The following MGST1 variants were observed in gnomAD, a reference collection of about 807,000 sequenced individuals.
MGST1 encodes the protein glutathione S-transferase 12.
In MGST1, 5 loss-of-function variants were observed where a neutral mutation model predicts 8.9. The observed-to-expected ratio is 0.56, with a 90% CI of 0.29 to 1.19. MGST1 has a LOEUF of 1.19. MGST1 is among the 50% of genes most tolerant of loss of function. The pLI, the probability that MGST1 is intolerant of heterozygous loss-of-function variation, is 0.08. For missense variants in MGST1, 182 were observed against 187.4 expected (o/e 0.97, Z 0.17); for synonymous variants, 54 against 67.8 (o/e 0.80, Z 1.00).
chr12:16,392,559 A>C (rs1429436239), intron 1 of MGST1, among the ~76,000 whole-genome samples: 1 of 152,220 alleles, frequency 6.6e-6, no homozygotes, highest in Non-Finnish European at 1.5e-5. Context: ...TGAATGCCTG[A>C]CACAATAATA....
At chr12:16,536,116 T>TGTGTGG (rs1941755826) in intron 4 of MGST1, among the ~76,000 whole-genome samples, 1 of 144,842 alleles carries the variant, frequency 6.9e-6, no homozygotes, top group African/African-American at 2.5e-5. Flanking sequence ...TGTGTGTGTG[T>TGTGTGG]GTCAGGTGAG....
At chr12:16,540,531 T>C (rs573153115) in intron 4 of MGST1, among the ~76,000 whole-genome samples, 2 of 152,330 alleles carry the variant, frequency 1.3e-5, no homozygotes, top group South Asian at 2.1e-4. Flanking sequence ...TTTGGAAGTT[T>C]GCGAATTATT....
chr12:16,578,813 G>A (rs562100339), intron 4 of MGST1, among the ~76,000 whole-genome samples: 18 of 139,076 alleles, frequency 1.3e-4, no homozygotes, highest in African/African-American at 4.7e-4. Context: ...GCGAGATTCT[G>A]TCTCAAACAA....
Position 16,560,392 on chromosome 12 carries a change from A to G in MGST1, n.483-29136A>G. 1 of 1,608,426 alleles carries G rather than the reference A, an allele frequency of 6.2e-7. No homozygotes were observed. Among genetic ancestry groups the G allele is most frequent in the Non-Finnish European group, 8.5e-7 (1 of 1,177,822 alleles). ...CAGAGAGGTTAACCATTTCTTAGAGACCAAAAAGAGACCTGCTTACCTCTG... is the reference window on the plus strand; with the variant it reads ...CAGAGAGGTTAACCATTTCTTAGAGGCCAAAAAGAGACCTGCTTACCTCTG... On this transcript the variant is annotated intron_variant and non_coding_transcript_variant, in intron 4 of 4. Coordinates refer to the MGST1 transcript ENST00000538857. The surrounding 1 kb of genome is among the most constrained non-coding windows in gnomAD (Gnocchi z 5.0).
At chr12:16,379,476 C>G (rs1048000468), downstream of MGST1, among the ~76,000 whole-genome samples, 1 of 152,154 alleles carries the variant, frequency 6.6e-6, no homozygotes, top group African/African-American at 2.4e-5. Flanking sequence ...ATTGAACCAG[C>G]CTTGCATCCC....
At chr12:16,558,040 C>A (rs1942258457) in intron 4 of MGST1, among the ~76,000 whole-genome samples, 1 of 151,974 alleles carries the variant, frequency 6.6e-6, no homozygotes, top group South Asian at 2.1e-4. Context: ...GTCCATAAAG[C>A]TGAACTCAGA....
intron 1 of MGST1, among the ~76,000 whole-genome samples, chr12:16,425,760 C>A (rs1940880079): frequency 6.6e-6 from 1 of 152,214 alleles, no homozygotes; most frequent in African/African-American, 2.4e-5. Context: ...TACTGCCCCA[C>A]TGGGCATTTC....
rs1942989620 is a variant in MGST1 at position 16,576,137 on chromosome 12, G to A, written n.483-13391G>A. Among the ~76,000 whole-genome samples the A allele has an allele frequency of 6.6e-6, 1 of 152,064 alleles. No homozygotes were observed. The highest frequency in any genetic ancestry group is 1.5e-5 in the Non-Finnish European group (1 of 67,996). On this transcript the variant is annotated intron_variant and non_coding_transcript_variant, in intron 4 of 4. Transcript: ENST00000538857. This position sits in a 1 kb window ranked among gnomAD's most constrained non-coding sequence, Gnocchi z 4.1. ...CTCCCAGCTGAACATCTTTCCACCA[G>A]CCTGCCCTGCCCTGCTGTCCGCCTT... is the stretch of plus-strand genomic sequence containing the variant.
intron 4 of MGST1, among the ~76,000 whole-genome samples, chr12:16,507,675 G>A (rs1382899969): frequency 6.6e-6 from 1 of 152,106 alleles, no homozygotes; most frequent in Non-Finnish European, 1.5e-5. Context: ...TGAAGGGAGG[G>A]CAAGCACATC....
In MGST1 at chr12:16,362,019, CAG is replaced by C. The variant is rs1219845377; in HGVS notation, c.222-1771_222-1770del. 6.6e-6 allele frequency among the ~76,000 whole-genome samples: 1 copy of C among 152,098 alleles called. No individual in the cohort carries two copies. Among genetic ancestry groups the C allele is most frequent in the African/African-American group, 2.4e-5 (1 of 41,426 alleles). On this transcript the variant is annotated intron_variant, in intron 3 of 3. Coordinates refer to ENST00000396210, the MANE Select transcript of MGST1 (RefSeq NM_020300.5). This position sits in a 1 kb window ranked among gnomAD's most constrained non-coding sequence, Gnocchi z 4.4. Reference sequence around the variant, plus strand: ...AGGCGTAGAAGTGGACATTGTTTTCCAGAGAGTCTCCTTTTTATAGTTTCTTC... The same window carrying C: ...AGGCGTAGAAGTGGACATTGTTTTCCAGAGTCTCCTTTTTATAGTTTCTTC...
intron 1 of MGST1, chr12:16,399,982 A>T: frequency 7.1e-7 from 1 of 1,408,490 alleles, no homozygotes; most frequent in South Asian, 1.2e-5. Flanking sequence ...GGGCTGAAGG[A>T]GGCAGGTACT....
At chr12:16,481,698 G>A (rs773834011) in intron 4 of MGST1, among the ~76,000 whole-genome samples, 5 of 151,878 alleles carry the variant, frequency 3.3e-5, no homozygotes, top group Non-Finnish European at 7.4e-5. Flanking sequence ...ACAAAATACA[G>A]CACAAAGAGA....
chr12:16,523,515 C>T (rs1227264661), intron 4 of MGST1, among the ~76,000 whole-genome samples: 1 of 152,072 alleles, frequency 6.6e-6, no homozygotes, highest in African/African-American at 2.4e-5. Context: ...GATGTACATA[C>T]TCTCACAGCC....
chr12:16,369,351 T>A (rs115217999), downstream of MGST1, among the ~76,000 whole-genome samples: 1,224 of 152,300 alleles, frequency 8.0e-3, 19 homozygotes, highest in African/African-American at 0.028. This position sits in a 1 kb window ranked among gnomAD's most constrained non-coding sequence, Gnocchi z 4.8. Context: ...GTTGGGCTGA[T>A]CTTGACTGGG....
intron 4 of MGST1, among the ~76,000 whole-genome samples, chr12:16,506,798 A>G (rs1045842416): frequency 1.3e-5 from 2 of 152,228 alleles, no homozygotes; most frequent in Non-Finnish European, 2.9e-5. Context: ...TGGTATAGAG[A>G]ACACAATTTC....
chr12:16,349,272 A>G (rs533435712), intron 1 of MGST1, among the ~76,000 whole-genome samples: 2 of 152,246 alleles, frequency 1.3e-5, no homozygotes, highest in South Asian at 4.2e-4. Flanking sequence ...CCTCATCCTG[A>G]GAAGAGAACT....
At chr12:16,552,142 G>T (rs925012506) in intron 4 of MGST1, among the ~76,000 whole-genome samples, 3 of 151,910 alleles carry the variant, frequency 2.0e-5, no homozygotes, top group Non-Finnish European at 2.9e-5. Context: ...ATTTCCCCAC[G>T]GTGACACTTT....
chr12:16,505,432 T>G (rs1460165308), intron 4 of MGST1, among the ~76,000 whole-genome samples: 1 of 152,140 alleles, frequency 6.6e-6, no homozygotes, highest in Admixed American at 6.5e-5. Context: ...CCCTGTAAGC[T>G]TCTCTTACTC....
rs1401452328 is a variant in MGST1 at position 16,517,732 on chromosome 12, T to C, written n.483-71796T>C. 6.6e-6 allele frequency among the ~76,000 whole-genome samples: 1 copy of C among 152,212 alleles called. No homozygotes were observed. The highest frequency in any genetic ancestry group is 1.5e-5 in the Non-Finnish European group (1 of 68,040). On this transcript the variant is annotated intron_variant and non_coding_transcript_variant, in intron 4 of 4. Transcript: ENST00000538857. The surrounding 1 kb of genome is among the most constrained non-coding windows in gnomAD (Gnocchi z 4.2). Reference sequence around the variant, plus strand: ...CCACAGAGAAGAGAGTTTTAGCCAATGGTCTTCTGCTATTCCAGATTCATT... The same window carrying C: ...CCACAGAGAAGAGAGTTTTAGCCAACGGTCTTCTGCTATTCCAGATTCATT...
Sources: gnomAD v4.1 joint callset for allele counts (sites outside exome capture counted in the v4.1 genomes callset) on GRCh38, gnomAD v4.1.1 for gene constraint, Gnocchi (gnomAD v3.1) non-coding constraint, MANE v1.5 for transcripts, NCBI Gene and HGNC (gene_info 2026-07-23, HGNC 2026-07-21) for gene names.